The following NPR3 variants were observed in gnomAD, a reference collection of about 807,000 sequenced individuals.
NPR3 encodes atrial natriuretic peptide receptor 3.
In NPR3, 34 loss-of-function variants were observed where a neutral mutation model predicts 54.5. The observed-to-expected ratio is 0.62, with a 90% CI of 0.47 to 0.83. The LOEUF is 0.83. Ranked by LOEUF, NPR3 falls within the 40% of genes least tolerant of loss-of-function variation. NPR3 has a pLI of 0.00. For synonymous variants in NPR3, 289 were observed against 297.1 expected (o/e 0.97, Z 0.28); for missense variants, 674 against 720.8 (o/e 0.94, Z 0.74).
At position 32,764,024 on chromosome 5, in the gene NPR3, A is replaced by G. The variant is rs148093429; in HGVS notation, c.1060-10684A>G. Reference sequence around the variant, plus strand: ...CCTGTGGTCCTTTTGTAGGGTTTTCATGGAAAGTCTGAGGCATTCCCCAGT... The same window carrying G: ...CCTGTGGTCCTTTTGTAGGGTTTTCGTGGAAAGTCTGAGGCATTCCCCAGT... On this transcript the variant is annotated intron_variant, in intron 3 of 7. Transcript: ENST00000265074. Among the ~76,000 whole-genome samples the G allele has an allele frequency of 8.1e-4, 123 of 152,266 alleles. 2 individuals carry two copies. The highest frequency in any genetic ancestry group is 2.7e-3 in the African/African-American group (111 of 41,540).
rs534633180 is a variant in NPR3, at chr5:32,785,101, A to G, written c.1514+218A>G. ...GTCATGGGTTTTGACTACATCTCAC[A>G]GTGGGACAGAGAGCTGCTGCTGCCC... On this transcript the variant is annotated intron_variant, in intron 7 of 7. Transcript: ENST00000265074. Among the ~76,000 whole-genome samples, 22 of 149,356 alleles carry G rather than the reference A, an allele frequency of 1.5e-4. No individual in the cohort carries two copies. The East Asian group carries it at 3.7e-3, about 25-fold the overall frequency.
chr5:32,710,859 G>GTTTTTTTTTTTTTTTTTTTTT (rs56022335), upstream of NPR3: 310 of 979,560 alleles, frequency 3.2e-4, 8 homozygotes, highest in African/African-American at 1.5e-3. Context: ...CCCAGTCCTG[G>GTTTTTTTTTTTTTTTTTTTTT]TTTTTTTTTT....
At chr5:32,770,558 C>T (rs565685416) in intron 3 of NPR3, among the ~76,000 whole-genome samples, 14 of 152,318 alleles carry the variant, frequency 9.2e-5, no homozygotes, top group African/African-American at 3.1e-4. Flanking sequence ...ATTTTCATCT[C>T]GTTGAAAGGC....
chr5:32,707,202 G>A (rs1385846918), upstream of NPR3, among the ~76,000 whole-genome samples: 2 of 151,978 alleles, frequency 1.3e-5, no homozygotes, highest in African/African-American at 2.4e-5. Flanking sequence ...AAATCTAAGA[G>A]GATTATAATA....
rs1742773918 is a variant in NPR3, at chr5:32,789,077, A to T, written c.*2732A>T. On this transcript the variant is annotated 3_prime_UTR_variant, in exon 8 of 8. Transcript: ENST00000265074. ...ACTAGTAGTCACATGTCATATAGTA[A>T]AATAAATAGGGCTTTAGTTCTTAAG... 5.9e-6 allele frequency: 1 copy of T among 169,320 alleles called. No individual in the cohort carries two copies. The highest frequency in any genetic ancestry group is 5.6e-5 in the Admixed American group (1 of 17,706). The allele number at this position is 169,320 out of a possible 1,614,324, so 10.5% of individuals were successfully genotyped here.
intron 1 of NPR3, among the ~76,000 whole-genome samples, chr5:32,724,302 A>G (rs569579079): frequency 6.6e-6 from 1 of 152,316 alleles, no homozygotes; most frequent in East Asian, 1.9e-4. Flanking sequence ...TCAGTCTAGA[A>G]TGTCTCTTCA....
chr5:32,731,791 C>T (rs1030541316), intron 2 of NPR3, among the ~76,000 whole-genome samples: 2 of 152,122 alleles, frequency 1.3e-5, no homozygotes, highest in African/African-American at 4.8e-5. Flanking sequence ...CTAACCAAGA[C>T]GTCCAGTTGT....
At chr5:32,728,401 T>G (rs904243813) in intron 2 of NPR3, among the ~76,000 whole-genome samples, 15 of 149,904 alleles carry the variant, frequency 1.0e-4, no homozygotes, top group Admixed American at 9.4e-4. Context: ...AGGTGGAGGT[T>G]GCAGTGAGCT....
intron 3 of NPR3, among the ~76,000 whole-genome samples, chr5:32,769,746 G>A (rs1741655179): frequency 6.6e-6 from 1 of 152,224 alleles, no homozygotes; most frequent in Admixed American, 6.5e-5. Flanking sequence ...CTATCTGAGA[G>A]CTTGACAGGA....
At chr5:32,786,199 A>G (rs748319064) in intron 7 of NPR3, 35 bp from the exon 8 acceptor site, 7 of 857,710 alleles carry the variant, frequency 8.2e-6, no homozygotes. Context: ...TTTGTAGCCA[A>G]GTTTTATTAC....
upstream of NPR3, chr5:32,710,075 C>G (rs1208728693): frequency 6.6e-6 from 1 of 152,280 alleles, no homozygotes; most frequent in Admixed American, 6.5e-5. Context: ...CTGCAGTAGG[C>G]ACAGAAGGTC....
chr5:32,712,572 G>A lies in NPR3; in HGVS notation c.769+27G>A, dbSNP rs200405591. The A allele has an allele frequency of 7.9e-5, 118 of 1,501,004 alleles. 1 individual carries two copies. In the Admixed American group the frequency reaches 1.1e-3, roughly 14 times the overall value. 93.0% of individuals were successfully genotyped at this position (1,501,004 alleles called of 1,614,324 possible). ...TGAGCAGGGGCGCGTCCCGGGCCCC[G>A]GGCCCTAACCCAACCGCTCTCCGCG... On this transcript the variant is annotated intron_variant, in intron 1 of 7. Coordinates refer to ENST00000265074, the MANE Select transcript of NPR3 (RefSeq NM_001204375.2).
At chr5:32,723,372 G>A (rs11739036) in intron 1 of NPR3, among the ~76,000 whole-genome samples, 44,911 of 152,008 alleles carry the variant, frequency 0.3, 7,042 homozygotes, top group Non-Finnish European at 0.34. Flanking sequence ...AGAGGCTCTC[G>A]AGTTGTGTGA....
In NPR3 at chr5:32,786,619, G is replaced by A. The variant is rs1579718621; in HGVS notation, c.*274G>A. ...TTCAAGCCCATATGATTAGATTTAT[G>A]TTTTTAAAATCTGTTGTCTCCATAT... On this transcript the variant is annotated 3_prime_UTR_variant, in exon 8 of 8. Transcript: ENST00000265074. 2.9e-6 allele frequency: 1 copy of A among 350,526 alleles called. No individual in the cohort carries two copies. The highest frequency in any genetic ancestry group is 2.2e-5 in the African/African-American group (1 of 46,112). The allele number at this position is 350,526 out of a possible 1,614,324, so 21.7% of individuals were successfully genotyped here. A position where few individuals can be genotyped will look rare whatever the true frequency, so the allele number is the denominator to read the frequency against.
intron 3 of NPR3, among the ~76,000 whole-genome samples, chr5:32,773,975 TAA>T (rs922270814): frequency 6.6e-6 from 1 of 152,250 alleles, no homozygotes; most frequent in African/African-American, 2.4e-5. Flanking sequence ...TATGAAACTT[TAA>T]GTTTCCTGAG....
At chr5:32,715,495 C>T (rs563150442) in intron 1 of NPR3, among the ~76,000 whole-genome samples, 19 of 152,214 alleles carry the variant, frequency 1.2e-4, no homozygotes, top group Non-Finnish European at 2.5e-4. Flanking sequence ...TCAATTATTC[C>T]TTCATTTTAA....
At chr5:32,773,620 G>T (rs1741885670) in intron 3 of NPR3, among the ~76,000 whole-genome samples, 1 of 152,064 alleles carries the variant, frequency 6.6e-6, no homozygotes, top group Non-Finnish European at 1.5e-5. Flanking sequence ...TCATAACTCA[G>T]TTCGACTTTT....
intron 1 of NPR3, among the ~76,000 whole-genome samples, chr5:32,693,812 A>G (rs1740458522): frequency 6.6e-6 from 1 of 152,180 alleles, no homozygotes; most frequent in Non-Finnish European, 1.5e-5. Context: ...TAAGCTGAGT[A>G]TTGAGTACAT....
At chr5:32,766,905 C>T (rs929406986) in intron 3 of NPR3, among the ~76,000 whole-genome samples, 15 of 152,212 alleles carry the variant, frequency 9.9e-5, no homozygotes, top group African/African-American at 3.6e-4. Context: ...CTGTTGTTAG[C>T]TGTTGGTTTA....
Sources: gnomAD v4.1 joint callset for allele counts (sites outside exome capture counted in the v4.1 genomes callset) on GRCh38, gnomAD v4.1.1 for gene constraint, MANE v1.5 for transcripts, NCBI Gene and HGNC (gene_info 2026-07-23, HGNC 2026-07-21) for gene names.